The following SLC35F5 variants were observed in gnomAD, a reference collection of about 807,000 sequenced individuals.
SLC35F5 encodes solute carrier family 35 member F5, also known as HCV NS5A-transactivated protein 3.
In SLC35F5, 54 loss-of-function variants were observed where a neutral mutation model predicts 68.6. The ratio of observed to expected loss-of-function variants is 0.79; its 90% CI spans 0.63 to 0.99. SLC35F5 has a LOEUF of 0.99. SLC35F5 is among the 50% of genes least tolerant of loss of function. The probability of loss-of-function intolerance (pLI) is 0.00; values close to 1 mark genes in which losing one functional copy is unlikely to be tolerated. For missense variants in SLC35F5, 567 were observed against 626.9 expected (o/e 0.90, Z 1.02); for synonymous variants, 211 against 205.2 (o/e 1.03, Z -0.24).
intron 7 of SLC35F5, among the ~76,000 whole-genome samples, chr2:113,740,236 T>A (rs1033680884): frequency 1.3e-5 from 2 of 152,148 alleles, no homozygotes; most frequent in Admixed American, 1.3e-4. Flanking sequence ...GTGATGATTG[T>A]ATCAGAAACT....
intron 4 of SLC35F5, among the ~76,000 whole-genome samples, chr2:113,747,528 G>C (rs936274558): frequency 6.6e-6 from 1 of 152,156 alleles, no homozygotes; most frequent in Non-Finnish European, 1.5e-5. Context: ...TAAAAAGGGA[G>C]TCAATGTAGA....
chr2:113,747,598 T>A (rs148667978), intron 4 of SLC35F5, among the ~76,000 whole-genome samples: 2 of 152,240 alleles, frequency 1.3e-5, no homozygotes, highest in Non-Finnish European at 2.9e-5. Flanking sequence ...TATGAAAAAG[T>A]AACCAAAAAC....
intron 4 of SLC35F5, 124 bp from the exon 5 acceptor site, chr2:113,746,463 C>A: frequency 1.5e-6 from 1 of 677,516 alleles, no homozygotes; most frequent in South Asian, 1.6e-5. Context: ...AAAACTGTTA[C>A]TAATAATAAT....
intron 3 of SLC35F5, among the ~76,000 whole-genome samples, chr2:113,754,949 C>T (rs1676905864): frequency 6.6e-6 from 1 of 152,122 alleles, no homozygotes; most frequent in African/African-American, 2.4e-5. Context: ...AAGTAACCCT[C>T]CCTAAAAGAT....
chr2:113,716,029 T>G (rs1186340637), intron 15 of SLC35F5, among the ~76,000 whole-genome samples: 5 of 152,118 alleles, frequency 3.3e-5, no homozygotes, highest in Non-Finnish European at 7.4e-5. Context: ...TTATCCTCCC[T>G]CCTTGGCCTC....
chr2:113,734,651 A>T lies in SLC35F5; in HGVS notation c.855T>A (p.Ala285=), dbSNP rs1331373373. 2.5e-6 allele frequency: 4 copies of T among 1,605,270 alleles called. No individual in the cohort carries two copies. In the East Asian group the frequency reaches 8.9e-5, roughly 36 times the overall value. ...STSGLFTLIL[A]AVFPSNSGDR... is the part of the protein sequence containing the mutation. ...CTCCACTGTTACTTGGAAATACTGC[A>T]GCAAGGATTAAGGTAAAAAGTCCTA... Residue 285 remains alanine, a synonymous_variant, in exon 9 of 16, where the codon GCT becomes GCA. Transcript: ENST00000245680.
chr2:113,755,617 C>A, intron 1 of SLC35F5, 73 bp from the exon 2 acceptor site: 1 of 1,372,890 alleles, frequency 7.3e-7, no homozygotes, highest in Non-Finnish European at 1.0e-6. Flanking sequence ...TCGTTTTTTA[C>A]TCTTCATCTT....
chr2:113,723,346 T>C, intron 12 of SLC35F5, 152 bp from the exon 13 acceptor site: 1 of 367,456 alleles, frequency 2.7e-6, no homozygotes. Flanking sequence ...ATAATAAAGT[T>C]ATTAAGATGA....
chr2:113,744,774 C>G (rs926811422), intron 5 of SLC35F5, among the ~76,000 whole-genome samples: 1 of 152,046 alleles, frequency 6.6e-6, no homozygotes, highest in Non-Finnish European at 1.5e-5. Context: ...AATATTTATA[C>G]TTTTAGAGAA....
chr2:113,729,795 C>T (rs534460532), intron 10 of SLC35F5, among the ~76,000 whole-genome samples: 1 of 152,228 alleles, frequency 6.6e-6, no homozygotes, highest in East Asian at 1.9e-4. Context: ...AATACAACTC[C>T]AAAGTAACAC....
In SLC35F5 at chr2:113,709,259, A is replaced by C. The variant is rs1275274017; in HGVS notation, c.*5959T>G. Among the ~76,000 whole-genome samples, 1 of 152,218 alleles carries C rather than the reference A, an allele frequency of 6.6e-6. No homozygotes were observed. The highest frequency in any genetic ancestry group is 1.5e-5 in the Non-Finnish European group (1 of 68,038). On this transcript the variant is annotated 3_prime_UTR_variant, in exon 16 of 16. Transcript: ENST00000245680. Reference sequence around the variant, plus strand: ...TGTTTGGCATTGTCTCTGGAACTACAAAACTACGGCCTATGTGGTGTCACT... The same window carrying C: ...TGTTTGGCATTGTCTCTGGAACTACCAAACTACGGCCTATGTGGTGTCACT...
At position 113,734,643 on chromosome 2, in the gene SLC35F5, A is replaced by T. The variant is rs754302593; in HGVS notation, c.863T>A (p.Phe288Tyr). Residue 288 changes from phenylalanine to tyrosine, a missense_variant, in exon 9 of 16, where the codon TTT becomes TAT. Physicochemically the swap from Phe to Tyr is conservative, Grantham distance 22. Coordinates refer to ENST00000245680, the MANE Select transcript of SLC35F5 (RefSeq NM_025181.5). ...GLFTLILAAV[F>Y]PSNSGDRFTL... ...AAATCTATCTCCACTGTTACTTGGAAATACTGCAGCAAGGATTAAGGTAAA... is the reference window on the plus strand; with the variant it reads ...AAATCTATCTCCACTGTTACTTGGATATACTGCAGCAAGGATTAAGGTAAA... 2 of 1,606,978 alleles carry T rather than the reference A, an allele frequency of 1.2e-6. No individual in the cohort carries two copies. Among genetic ancestry groups the T allele is most frequent in the Middle Eastern group, 1.7e-4 (1 of 5,750 alleles).
chr2:113,717,483 C>A (rs976627253), intron 15 of SLC35F5: 6 of 228,042 alleles, frequency 2.6e-5, no homozygotes, highest in Admixed American at 2.1e-4. Context: ...TTTATATTTA[C>A]CAAGTATTTA....
chr2:113,730,086 G>A (rs995661694), intron 10 of SLC35F5, among the ~76,000 whole-genome samples: 1 of 152,062 alleles, frequency 6.6e-6, no homozygotes, highest in African/African-American at 2.4e-5. Context: ...GTCAAGTGTG[G>A]TATTAGTTTA....
chr2:113,723,764 C>G (rs1461095757), intron 12 of SLC35F5, among the ~76,000 whole-genome samples: 1 of 152,044 alleles, frequency 6.6e-6, no homozygotes. Context: ...TAACAATTGT[C>G]CTAACCAAAA....
rs1479360996 is a variant in SLC35F5, at chr2:113,707,655, G to A, written c.*7563C>T. 6.6e-6 allele frequency among the ~76,000 whole-genome samples: 1 copy of A among 152,160 alleles called. No individual in the cohort carries two copies. The highest frequency in any genetic ancestry group is 2.1e-4 in the South Asian group (1 of 4,818). ...GCTCACTGCAACCTCTGCCTCTTGG[G>A]TTCAAGCGATTCTCCTACCTCAGCC... On this transcript the variant is annotated 3_prime_UTR_variant, in exon 16 of 16. Transcript: ENST00000245680.
chr2:113,717,910 C>G, intron 14 of SLC35F5, 60 bp from the exon 15 acceptor site: 1 of 1,210,530 alleles, frequency 8.3e-7, no homozygotes, highest in Admixed American at 2.0e-5. Flanking sequence ...GAACCTCAAA[C>G]CTTATTTATT....
chr2:113,715,219 G>A (rs1179793386), intron 15 of SLC35F5, 24 bp from the exon 16 acceptor site: 3 of 152,116 alleles, frequency 2.0e-5, no homozygotes, highest in Non-Finnish European at 4.4e-5. Context: ...CCACAGAAAT[G>A]TGATTAGATT....
Position 113,756,227 on chromosome 2 carries a change from C to T in SLC35F5, c.40+143G>A. The T allele has an allele frequency of 7.2e-6, 11 of 1,521,092 alleles. No individual in the cohort carries two copies. In the South Asian group the frequency reaches 8.5e-5, roughly 12 times the overall value. The allele number at this position is 1,521,092 out of a possible 1,614,324, so 94.2% of individuals were successfully genotyped here. A position where few individuals can be genotyped will look rare whatever the true frequency, so the allele number is the denominator to read the frequency against. ...CAGGGCTCCGGCGCCCCTGTCAGCT[C>T]CCGCTCCCTCCGCCCCTAGAGACCT... is the stretch of plus-strand genomic sequence containing the variant. On this transcript the variant is annotated intron_variant, in intron 1 of 15. Transcript: ENST00000245680.
Sources: allele counts gnomAD v4.1 joint callset (sites outside exome capture counted in the v4.1 genomes callset), GRCh38; gene constraint gnomAD v4.1.1; transcripts MANE v1.5; gene names NCBI Gene and HGNC (gene_info 2026-07-23, HGNC 2026-07-21).